ACOT9: variants seen among roughly 807,000 people sequenced by gnomAD.
The protein encoded by ACOT9 is acyl-coenzyme A thioesterase 9, mitochondrial.
In ACOT9, 34 loss-of-function variants were observed where a neutral mutation model predicts 39.7. The observed-to-expected ratio is 0.86, with a 90% CI of 0.65 to 1.14. The LOEUF (loss-of-function observed/expected upper bound fraction) is 1.14, where lower values mean the gene tolerates loss of function less well. Ranked by LOEUF, ACOT9 falls within the 50% of genes most tolerant of loss-of-function variation. The probability of loss-of-function intolerance (pLI) is 0.00; values close to 1 mark genes in which losing one functional copy is unlikely to be tolerated. For missense variants in ACOT9, 313 were observed against 344.1 expected (o/e 0.91, Z 0.71); for synonymous variants, 110 against 120.5 (o/e 0.91, Z 0.57).
intron 8 of ACOT9, among the ~76,000 whole-genome samples, chrX:23,719,867 C>G (rs956751161): frequency 9.2e-6 from 1 of 108,229 alleles, no homozygotes; most frequent in African/African-American, 3.4e-5. Flanking sequence ...GACGGAGTCT[C>G]GCTCTGTCGC....
At chrX:23,713,642 C>T (rs1445541200) in intron 8 of ACOT9, among the ~76,000 whole-genome samples, 1 of 109,811 alleles carries the variant, frequency 9.1e-6, no homozygotes, top group Non-Finnish European at 1.9e-5. Context: ...CCACCGTCTG[C>T]TAAGGGCCTA....
chrX:23,706,031 G>A (rs753887443), intron 11 of ACOT9, among the ~76,000 whole-genome samples, 173 bp from the exon 12 acceptor site: 1 of 112,240 alleles, frequency 8.9e-6, no homozygotes, highest in East Asian at 2.8e-4. Context: ...TTGGGAGGCC[G>A]AGGCAGGCAG....
chrX:23,710,725 G>T lies in ACOT9; in HGVS notation c.662+2410C>A, dbSNP rs745804991. ...AAAAATTAGCTGGGCAGCTACTCAG[G>T]AGGCTGAGGCCAGAGAATCACTTGA... is the stretch of plus-strand genomic sequence containing the variant. On this transcript the variant is annotated intron_variant, in intron 9 of 15. Coordinates refer to ENST00000379303, the MANE Select transcript of ACOT9 (RefSeq NM_001037171.2). 3.5e-4 allele frequency among the ~76,000 whole-genome samples: 39 copies of T among 111,458 alleles called. No homozygotes were observed. The Middle Eastern group carries it at 0.018, about 53-fold the overall frequency.
At chrX:23,719,922 C>T (rs180896805) in intron 8 of ACOT9, among the ~76,000 whole-genome samples, 16 of 109,973 alleles carry the variant, frequency 1.5e-4, no homozygotes, top group African/African-American at 4.7e-4. Flanking sequence ...CTGCAAGCTC[C>T]GCCTCCTGGG....
chrX:23,708,368 T>C (rs1229908415), intron 9 of ACOT9, among the ~76,000 whole-genome samples: 1 of 109,486 alleles, frequency 9.1e-6, no homozygotes, highest in Non-Finnish European at 1.9e-5. Context: ...TCGTTTCTAC[T>C]AAAAATACAA....
chrX:23,710,381 A>C (rs953681555), intron 9 of ACOT9, among the ~76,000 whole-genome samples: 1 of 111,777 alleles, frequency 8.9e-6, no homozygotes. Flanking sequence ...GGCAGGAAAT[A>C]CGTAAGATGA....
rs2058761615 is a variant in ACOT9 at position 23,702,861 on chromosome X, C to A, written c.*1033G>T. On this transcript the variant is annotated 3_prime_UTR_variant, in exon 16 of 16. Coordinates refer to ENST00000379303, the MANE Select transcript of ACOT9 (RefSeq NM_001037171.2). Reference sequence around the variant, plus strand: ...GACCTGCCAAGGGCTGAGGATGGTGCCTATCTAGCACATGGCAATGCTCCA... The same window carrying A: ...GACCTGCCAAGGGCTGAGGATGGTGACTATCTAGCACATGGCAATGCTCCA... The A allele has an allele frequency of 8.9e-6, 1 of 111,928 alleles. No individual in the cohort carries two copies. Among genetic ancestry groups the A allele is most frequent in the Admixed American group, 9.6e-5 (1 of 10,459 alleles). The allele number at this position is 111,928 out of a possible 1,213,427, so 9.2% of individuals were successfully genotyped here.
intron 6 of ACOT9, among the ~76,000 whole-genome samples, 156 bp from the exon 7 acceptor site, chrX:23,722,909 T>C (rs906378023): frequency 9.0e-6 from 1 of 111,511 alleles, no homozygotes; most frequent in Non-Finnish European, 1.9e-5. Context: ...TCAAACACTT[T>C]TATAAATTGA....
At chrX:23,710,450 C>T (rs933437999) in intron 9 of ACOT9, among the ~76,000 whole-genome samples, 2 of 111,657 alleles carry the variant, frequency 1.8e-5, no homozygotes, top group African/African-American at 6.5e-5. Flanking sequence ...TGGAAAGGAG[C>T]CAGCTTAGAG....
intron 8 of ACOT9, among the ~76,000 whole-genome samples, chrX:23,716,622 G>T (rs1929089708): frequency 8.9e-6 from 1 of 111,995 alleles, no homozygotes; most frequent in South Asian, 3.7e-4. Context: ...AAGTCAAAGG[G>T]AATATAGTTG....
In ACOT9 at chrX:23,702,079, A is replaced by G. The variant is rs1224622395; in HGVS notation, c.*1815T>C. Among the ~76,000 whole-genome samples the G allele has an allele frequency of 9.2e-6, 1 of 108,415 alleles. No homozygotes were observed. Among genetic ancestry groups the G allele is most frequent in the Non-Finnish European group, 1.9e-5 (1 of 52,252 alleles). 94.1% of individuals were successfully genotyped at this position (108,415 alleles called of 115,157 possible). A position where few individuals can be genotyped will look rare whatever the true frequency, so the allele number is the denominator to read the frequency against. On this transcript the variant is annotated 3_prime_UTR_variant, in exon 16 of 16. Coordinates refer to ENST00000379303, the MANE Select transcript of ACOT9 (RefSeq NM_001037171.2). The stretch of plus-strand genomic sequence containing the variant: ...CAGAGTGAAACTCTGTCTCACACAC[A>G]CACACACACACAAAAATACTTTCCA...
intron 6 of ACOT9, among the ~76,000 whole-genome samples, chrX:23,727,634 T>C (rs1929581110): frequency 9.1e-6 from 1 of 110,086 alleles, no homozygotes; most frequent in African/African-American, 3.3e-5. Flanking sequence ...CAAGAATTTT[T>C]AACTGGGTTT....
intron 8 of ACOT9, among the ~76,000 whole-genome samples, chrX:23,716,383 T>C (rs1187113139): frequency 8.9e-6 from 1 of 112,145 alleles, no homozygotes; most frequent in African/African-American, 3.2e-5. Flanking sequence ...TACTTACAGG[T>C]TGAACATTCC....
chrX:23,742,209 T>TGAGAGAGAGAGAGAGAGAGAGAGAGA lies in ACOT9; in HGVS notation c.20+915_20+916insTCTCTCTCTCTCTCTCTCTCTCTCTC, dbSNP rs760648597. ...TAACAAAGTCCCCAGGAACAGTGAG[T>TGAGAGAGAGAGAGAGAGAGAGAGAGA]GAGTGAGAGAGAGAGAGAGAGAGAG... On this transcript the variant is annotated intron_variant, in intron 1 of 15. Coordinates refer to ENST00000379303, the MANE Select transcript of ACOT9 (RefSeq NM_001037171.2). 1.5e-3 allele frequency among the ~76,000 whole-genome samples: 84 copies of TGAGAGAGAGAGAGAGAGAGAGAGAGA among 56,252 alleles called. 8 individuals carry two copies. Among genetic ancestry groups the TGAGAGAGAGAGAGAGAGAGAGAGAGA allele is most frequent in the African/African-American group, 4.5e-3 (36 of 7,970 alleles). 48.8% of individuals were successfully genotyped at this position (56,252 alleles called of 115,157 possible).
chrX:23,738,984 G>A (rs977903649), intron 1 of ACOT9, among the ~76,000 whole-genome samples: 3 of 112,198 alleles, frequency 2.7e-5, no homozygotes, highest in African/African-American at 9.7e-5. Flanking sequence ...AAGGCTGGGC[G>A]CAGTGGCTCA....
intron 11 of ACOT9, 69 bp downstream of exon 11, chrX:23,706,558 CA>C (rs35002168): frequency 0.12 from 26,676 of 230,999 alleles, 263 homozygotes; most frequent in Admixed American, 0.16. Flanking sequence ...AACTCCGTCT[CA>C]AAAAAAAAAA....
intron 13 of ACOT9, 28 bp from the exon 14 acceptor site, chrX:23,705,108 G>A (rs2146811340): frequency 8.7e-7 from 1 of 1,151,921 alleles, no homozygotes; most frequent in African/African-American, 1.8e-5. Flanking sequence ...AGAATTTGGG[G>A]TATATTGCAA....
At position 23,703,893 on chromosome X, in the gene ACOT9, C is replaced by T; in HGVS notation, c.*1G>A. ...GCTAGTTTTCAACAAATGTGGTGTT[C>T]TTAGGGCTCCACAAGGTAGTCCTTT... is the stretch of plus-strand genomic sequence containing the variant. On this transcript the variant is annotated 3_prime_UTR_variant, in exon 16 of 16. Coordinates refer to ENST00000379303, the MANE Select transcript of ACOT9 (RefSeq NM_001037171.2). The T allele has an allele frequency of 8.3e-7, 1 of 1,207,785 alleles. No individual in the cohort carries two copies. The highest frequency in any genetic ancestry group is 1.1e-6 in the Non-Finnish European group (1 of 892,338).
At chrX:23,740,712 A>G (rs1048942880) in intron 1 of ACOT9, among the ~76,000 whole-genome samples, 12 of 65,319 alleles carry the variant, frequency 1.8e-4, no homozygotes, top group African/African-American at 6.5e-4. Context: ...ATCTCCCCCA[A>G]TACATACACA....
Sources: gnomAD v4.1 joint callset for allele counts (sites outside exome capture counted in the v4.1 genomes callset) on GRCh38, gnomAD v4.1.1 for gene constraint, MANE v1.5 for transcripts, NCBI Gene and HGNC (gene_info 2026-07-23, HGNC 2026-07-21) for gene names.